The following PARP14 variants were observed in gnomAD, a reference collection of about 807,000 sequenced individuals.
The protein encoded by PARP14 is protein mono-ADP-ribosyltransferase PARP14.
A neutral mutation model predicts 154.2 loss-of-function variants in PARP14; 59 were observed. The observed-to-expected ratio is 0.38, with a 90% CI of 0.31 to 0.48. The LOEUF is 0.48. Ranked by LOEUF, PARP14 falls within the 20% of genes least tolerant of loss-of-function variation. PARP14 has a pLI of 0.98. For synonymous variants in PARP14, 720 were observed against 780.5 expected, an observed-to-expected ratio of 0.92 and a Z score of 1.29; for missense variants, 1,734 against 2,131.6, an observed-to-expected ratio of 0.81 and a Z score of 3.67.
chr3:122,718,840 G>T lies in PARP14; in HGVS notation c.4689G>T (p.Lys1563Asn). 1.9e-6 allele frequency: 3 copies of T among 1,613,362 alleles called. No individual in the cohort carries two copies. Among genetic ancestry groups the T allele is most frequent in the Non-Finnish European group, 2.5e-6 (3 of 1,179,666 alleles). ...NLKLEDARRE[K>N]KKTVDVKINH... ...AATTAGAGGATGCAAGGAGAGAAAA[G>T]AAAAAAACAGTTGATGTCAAAATTA... Residue 1563 changes from lysine (K) to asparagine (N), a missense_variant, in exon 14 of 17, where the codon AAG becomes AAT. By Grantham distance (94) the Lys-to-Asn change is moderately conservative. This residue lies in a region of PARP14 where 1,646 missense variants were observed against 1,976.0 expected (regional missense o/e 0.83). Transcript: ENST00000474629.
rs1319155965 is a variant in PARP14 at position 122,695,592 on chromosome 3, G to A, written c.765G>A (p.Gly255=). ...KLFFENPYNG[G]GRVANVEYFP... ...TCTTTGAAAATCCCTATAATGGAGG[G>A]GGAAGAGTTGCCAATGTTGAATATT... The change falls in exon 5 of 17, where the codon GGG becomes GGA. Residue 255 remains glycine (G), a synonymous_variant. Transcript: ENST00000474629. 1 of 1,611,006 alleles carries A rather than the reference G, an allele frequency of 6.2e-7. No homozygotes were observed. Among genetic ancestry groups the A allele is most frequent in the African/African-American group, 1.3e-5 (1 of 74,968 alleles).
At chr3:122,697,826 G>A (rs900283154) in intron 5 of PARP14, among the ~76,000 whole-genome samples, 1 of 152,160 alleles carries the variant, frequency 6.6e-6, no homozygotes, top group Non-Finnish European at 1.5e-5. Flanking sequence ...TGTCCTTACA[G>A]ACAAGAAAAG....
chr3:122,694,246 C>T (rs1271530346), intron 4 of PARP14, among the ~76,000 whole-genome samples: 1 of 152,202 alleles, frequency 6.6e-6, no homozygotes, highest in African/African-American at 2.4e-5. Flanking sequence ...AGTTTATATT[C>T]ATAATGTCCA....
At chr3:122,707,146 C>T (rs1029223717) in intron 8 of PARP14, among the ~76,000 whole-genome samples, 1 of 152,044 alleles carries the variant, frequency 6.6e-6, no homozygotes, top group Non-Finnish European at 1.5e-5. Context: ...TGGCTCGGAG[C>T]GGTGGCTCAT....
intron 15 of PARP14, among the ~76,000 whole-genome samples, chr3:122,725,846 A>T (rs115417292): frequency 0.033 from 5,041 of 152,188 alleles, 110 homozygotes; most frequent in Middle Eastern, 0.088. Context: ...TATCATATCT[A>T]TTCTTTGTTC....
Position 122,718,167 on chromosome 3 carries a change from T to C in PARP14, c.4097T>C (p.Val1366Ala). The C allele has an allele frequency of 6.2e-7, 1 of 1,613,652 alleles. No individual in the cohort carries two copies. Among genetic ancestry groups the C allele is most frequent in the Non-Finnish European group, 8.5e-7 (1 of 1,179,676 alleles). ...GGATCAGCCCAGTCTGTGAAAAAAG[T>C]TAAAGTTGTTATCTTTCTGCCTCAA... is the stretch of plus-strand genomic sequence containing the variant. ...QKGSAQSVKK[V>A]KVVIFLPQVL... Residue 1366 changes from valine to alanine, a missense_variant, in exon 13 of 17, where the codon GTT becomes GCT. Around this residue, in one of 2 missense-constraint regions of PARP14, gnomAD observed 1,646 missense variants for 1,976.0 expected, o/e 0.83. Transcript: ENST00000474629.
In PARP14 at chr3:122,703,007, AAAACAAAAAAAAAAAACAAAAAAC is replaced by A. The variant is rs1282400574; in HGVS notation, c.3082-731_3082-708del. Among the ~76,000 whole-genome samples the A allele has an allele frequency of 4.1e-4, 46 of 111,266 alleles. 2 individuals carry two copies. Among genetic ancestry groups the A allele is most frequent in the Non-Finnish European group, 4.1e-4 (20 of 49,044 alleles). The allele number at this position is 111,266 out of a possible 152,430, so 73.0% of individuals were successfully genotyped here. ...ACCCTCTCTCTTAAAAAAAAAAAAA[AAAACAAAAAAAAAAAACAAAAAAC>A]AAAAAACAGTCATAGTTTGCTTTCC... On this transcript the variant is annotated intron_variant, in intron 6 of 16. Coordinates refer to ENST00000474629, the MANE Select transcript of PARP14 (RefSeq NM_017554.3).
At position 122,681,903 on chromosome 3, in the gene PARP14, G is replaced by T. The variant is rs1195959055; in HGVS notation, c.187+833G>T. On this transcript the variant is annotated intron_variant, in intron 1 of 16. Transcript: ENST00000474629. The surrounding 1 kb of genome is among the most constrained non-coding windows in gnomAD (Gnocchi z 5.5). ...CCCAGAATGGGCACCTTTTCCACTGGCATCTTATGGATGATGACCTATCGG... is the reference window on the plus strand; with the variant it reads ...CCCAGAATGGGCACCTTTTCCACTGTCATCTTATGGATGATGACCTATCGG... Among the ~76,000 whole-genome samples, 1 of 152,140 alleles carries T rather than the reference G, an allele frequency of 6.6e-6. No homozygotes were observed. The highest frequency in any genetic ancestry group is 1.9e-4 in the East Asian group (1 of 5,196).
rs747608332 is a variant in PARP14, at chr3:122,680,873, C to A, written c.-11C>A. ...GCGGCCCCTGCAGTCCGGCGGAGAG[C>A]GGAGCTGAGGATGGCTGTGCCCGGC... On this transcript the variant is annotated 5_prime_UTR_variant, in exon 1 of 17. Transcript: ENST00000474629. 5.7e-6 allele frequency: 9 copies of A among 1,590,874 alleles called. No homozygotes were observed. The highest frequency in any genetic ancestry group is 6.8e-6 in the Non-Finnish European group (8 of 1,168,682).
chr3:122,703,010 AC>A (rs375919664), intron 6 of PARP14, among the ~76,000 whole-genome samples: 11,085 of 98,280 alleles, frequency 0.11, 591 homozygotes, highest in Middle Eastern at 0.16. Context: ...AAAAAAAAAA[AC>A]AAAAAAAAAA....
intron 15 of PARP14, chr3:122,722,560 C>A (rs148530992): frequency 0.02 from 3,029 of 152,100 alleles, 52 homozygotes; most frequent in Non-Finnish European, 0.029. Context: ...TCAATAAAAT[C>A]TTATGTGAAA....
intron 9 of PARP14, among the ~76,000 whole-genome samples, chr3:122,708,829 C>G (rs1191866504): frequency 6.6e-6 from 1 of 152,128 alleles, no homozygotes; most frequent in Non-Finnish European, 1.5e-5. Flanking sequence ...CTACCCCCCT[C>G]AATCCCACTC....
At chr3:122,719,229 CAGAGCCAGTTGTGCTG>C (rs929807726) in intron 14 of PARP14, among the ~76,000 whole-genome samples, 1 of 152,158 alleles carries the variant, frequency 6.6e-6, no homozygotes, top group Non-Finnish European at 1.5e-5. Context: ...ATAAGCTTCC[CAGAGCCAGTTGTGCTG>C]AGAAGGTAAT....
chr3:122,701,541 CGGGG>C lies in PARP14; in HGVS notation c.2988_2991del (p.Gly997LeufsTer22), dbSNP rs1938978372. 4.3e-6 allele frequency: 7 copies of C among 1,611,536 alleles called. No homozygotes were observed. In the South Asian group the frequency reaches 5.5e-5, roughly 13 times the overall value. ...CCGCCAGGTTTACCACCAGCAGCAG[CGGGG>C]CCTGGGAAAACATCATGGGAAAAAG... is the stretch of plus-strand genomic sequence containing the variant. On this transcript the variant is annotated frameshift_variant, in exon 6 of 17. Coordinates refer to ENST00000474629, the MANE Select transcript of PARP14 (RefSeq NM_017554.3). LOFTEE classifies it high-confidence loss of function. This position sits in a 1 kb window ranked among gnomAD's most constrained non-coding sequence, Gnocchi z 4.0.
At chr3:122,720,914 C>G (rs1472173984) in intron 15 of PARP14, 2 of 454,980 alleles carry the variant, frequency 4.4e-6, no homozygotes, top group South Asian at 3.1e-5. Context: ...TGACGCCAGT[C>G]TGGGTAACAT....
intron 9 of PARP14, among the ~76,000 whole-genome samples, chr3:122,711,734 T>A (rs1939324518): frequency 6.6e-6 from 1 of 152,186 alleles, no homozygotes; most frequent in Non-Finnish European, 1.5e-5. Flanking sequence ...GTTGGCAATT[T>A]TTTTTAATTA....
At chr3:122,693,591 C>A (rs1279196535) in intron 4 of PARP14, among the ~76,000 whole-genome samples, 2 of 152,146 alleles carry the variant, frequency 1.3e-5, no homozygotes, top group Non-Finnish European at 2.9e-5. Context: ...GTAATTCCAG[C>A]ACTTTGGGAG....
At chr3:122,699,344 C>T in intron 5 of PARP14, 46 bp from the exon 6 acceptor site, 10 of 1,165,448 alleles carry the variant, frequency 8.6e-6, no homozygotes, top group South Asian at 5.1e-5. Context: ...TTTTATTTGC[C>T]ATATATCATC....
intron 8 of PARP14, 106 bp downstream of exon 8, chr3:122,704,854 G>A: frequency 1.6e-6 from 1 of 639,780 alleles, no homozygotes; most frequent in South Asian, 2.1e-5. Context: ...TCCCCATTCA[G>A]GAAAGTAAGA....
Sources: gnomAD v4.1 joint callset for allele counts (sites outside exome capture counted in the v4.1 genomes callset) on GRCh38, gnomAD v4.1.1 for gene constraint, gnomAD v4.1.1 regional missense constraint, Gnocchi (gnomAD v3.1) non-coding constraint, MANE v1.5 for transcripts, NCBI Gene and HGNC (gene_info 2026-07-23, HGNC 2026-07-21) for gene names.